BCKDHB: variants seen among roughly 807,000 people sequenced by gnomAD.
The protein encoded by BCKDHB is 2-oxoisovalerate dehydrogenase subunit beta, mitochondrial.
BCKDHB carries 41 observed loss-of-function variants against 48.5 expected under a neutral mutation model. The ratio of observed to expected loss-of-function variants is 0.85; its 90% CI spans 0.66 to 1.10. The LOEUF (loss-of-function observed/expected upper bound fraction) is 1.10, where lower values mean the gene tolerates loss of function less well. BCKDHB is among the 50% of genes least tolerant of loss of function. The probability of loss-of-function intolerance (pLI) is 0.00; values close to 1 mark genes in which losing one functional copy is unlikely to be tolerated. For synonymous variants in BCKDHB, 201 were observed against 174.8 expected, an observed-to-expected ratio of 1.15 and a Z score of -1.18; for missense variants, 496 against 494.2, an observed-to-expected ratio of 1.00 and a Z score of -0.03.
chr6:80,342,735 G>A (rs573441496), intron 9 of BCKDHB, among the ~76,000 whole-genome samples: 6 of 152,188 alleles, frequency 3.9e-5, no homozygotes, highest in African/African-American at 1.2e-4. Flanking sequence ...GTTGCAGTGA[G>A]CCGTGTTTGC....
At chr6:80,141,499 A>T (rs59155686) in intron 3 of BCKDHB, among the ~76,000 whole-genome samples, 10,947 of 152,214 alleles carry the variant, frequency 0.072, 590 homozygotes, top group South Asian at 0.24. Context: ...AATAAATGTT[A>T]GAGCTACCAA....
At chr6:80,193,330 A>G (rs938476339) in intron 6 of BCKDHB, among the ~76,000 whole-genome samples, 1 of 152,168 alleles carries the variant, frequency 6.6e-6, no homozygotes, top group African/African-American at 2.4e-5. Context: ...AGTGTTACTC[A>G]GTGATAATAA....
At chr6:80,239,784 A>G (rs631314) in intron 8 of BCKDHB, among the ~76,000 whole-genome samples, 132,376 of 152,142 alleles carry the variant, frequency 0.87, 57,857 homozygotes, top group East Asian at 0.99. Flanking sequence ...TTTGTGTAAG[A>G]TGTAAGGAAG....
At chr6:80,114,716 G>A (rs1006716376) in intron 1 of BCKDHB, among the ~76,000 whole-genome samples, 6 of 152,166 alleles carry the variant, frequency 3.9e-5, no homozygotes, top group African/African-American at 1.2e-4. Context: ...TTTGGGAGCC[G>A]ACACAAGAAT....
intron 8 of BCKDHB, among the ~76,000 whole-genome samples, chr6:80,270,312 A>G (rs1777683139): frequency 1.3e-5 from 2 of 151,892 alleles, no homozygotes; most frequent in South Asian, 4.1e-4. Context: ...ATTGGCAATG[A>G]TTTTTAAGAA....
chr6:80,391,258 G>C, the BCKDHB span, among the ~76,000 whole-genome samples: 1 of 151,944 alleles, frequency 6.6e-6, no homozygotes, highest in African/African-American at 2.4e-5. Flanking sequence ...GGGTTGAATG[G>C]TGTCTCCAAA....
chr6:80,115,658 A>G (rs1336815471), intron 1 of BCKDHB, among the ~76,000 whole-genome samples: 1 of 148,478 alleles, frequency 6.7e-6, no homozygotes, highest in Non-Finnish European at 1.5e-5. Context: ...TTTTTTTGAG[A>G]CAGAGTCTCG....
chr6:80,204,814 A>G (rs537882060), intron 8 of BCKDHB, among the ~76,000 whole-genome samples: 1 of 152,164 alleles, frequency 6.6e-6, no homozygotes, highest in South Asian at 2.1e-4. Flanking sequence ...AGTTGTTTAT[A>G]TTTACATCGA....
the BCKDHB span, among the ~76,000 whole-genome samples, chr6:80,360,888 C>T: frequency 1.3e-5 from 2 of 151,174 alleles, no homozygotes; most frequent in African/African-American, 4.9e-5. Flanking sequence ...GCCTGTAATC[C>T]CAGCTACTCA....
At chr6:80,390,803 A>G in the BCKDHB span, among the ~76,000 whole-genome samples, 4 of 152,182 alleles carry the variant, frequency 2.6e-5, no homozygotes, top group Admixed American at 2.6e-4. Context: ...ATTGGATTAA[A>G]GGATACAAAG....
chr6:80,128,011 A>G (rs1434194826), intron 2 of BCKDHB, among the ~76,000 whole-genome samples: 1 of 152,018 alleles, frequency 6.6e-6, no homozygotes, highest in Non-Finnish European at 1.5e-5. Flanking sequence ...TCAACTTGTA[A>G]TATGTTTTGG....
chr6:80,444,469 T>C, the BCKDHB span, among the ~76,000 whole-genome samples: 63 of 152,250 alleles, frequency 4.1e-4, no homozygotes, highest in African/African-American at 1.5e-3. Flanking sequence ...AACATAATAA[T>C]AGCAGACACA....
At chr6:80,319,345 G>A (rs1346816254) in intron 9 of BCKDHB, among the ~76,000 whole-genome samples, 1 of 152,174 alleles carries the variant, frequency 6.6e-6, no homozygotes, top group African/African-American at 2.4e-5. Context: ...TTGCTGAATT[G>A]TGAGGTTTGA....
intron 8 of BCKDHB, among the ~76,000 whole-genome samples, chr6:80,220,734 C>CTTTTTTTTTT (rs67235328): frequency 1.6e-5 from 2 of 121,948 alleles, no homozygotes; most frequent in Non-Finnish European, 3.4e-5. Context: ...TTTTCTTTTT[C>CTTTTTTTTTT]TTTTTTTTTT....
the BCKDHB span, chr6:80,463,352 G>C: frequency 6.6e-6 from 1 of 152,098 alleles, no homozygotes; most frequent in Admixed American, 6.5e-5. Flanking sequence ...GCTGTGTTAG[G>C]GTTTGGCTAC....
At chr6:80,247,460 A>T (rs560387451) in intron 8 of BCKDHB, among the ~76,000 whole-genome samples, 1 of 152,366 alleles carries the variant, frequency 6.6e-6, no homozygotes, top group East Asian at 1.9e-4. Context: ...ACATATTTAT[A>T]ACCGGAATTA....
the BCKDHB span, among the ~76,000 whole-genome samples, chr6:80,426,113 G>T: frequency 1.7e-3 from 257 of 152,234 alleles, 1 homozygote; most frequent in Middle Eastern, 6.8e-3. Context: ...TCTTATATCT[G>T]CCAGGTTTTC....
At chr6:80,203,816 A>AT (rs777090217) in intron 8 of BCKDHB, among the ~76,000 whole-genome samples, 33 of 152,180 alleles carry the variant, frequency 2.2e-4, no homozygotes, top group Non-Finnish European at 4.0e-4. Flanking sequence ...TTCCCTCTTA[A>AT]GAATATAGTT....
At chr6:80,264,349 T>C (rs1054470618) in intron 8 of BCKDHB, among the ~76,000 whole-genome samples, 1 of 152,176 alleles carries the variant, frequency 6.6e-6, no homozygotes, top group Non-Finnish European at 1.5e-5. Flanking sequence ...ATGTAATAAA[T>C]AAGATGATGA....
Sources: allele counts gnomAD v4.1 joint callset (sites outside exome capture counted in the v4.1 genomes callset), GRCh38; gene constraint gnomAD v4.1.1; transcripts MANE v1.5; gene names NCBI Gene and HGNC (gene_info 2026-07-23, HGNC 2026-07-21).